Variants in SORCS3 observed in about 807,000 individuals in gnomAD.
SORCS3 encodes sortilin related VPS10 domain containing receptor 3.
In SORCS3, 57 loss-of-function variants were observed where a neutral mutation model predicts 146.3. The observed-to-expected ratio is 0.39, with a 90% CI of 0.31 to 0.49. SORCS3 has a LOEUF of 0.49. Ranked by LOEUF, SORCS3 falls within the 20% of genes least tolerant of loss-of-function variation. The probability of loss-of-function intolerance (pLI) is 0.92; values close to 1 mark genes in which losing one functional copy is unlikely to be tolerated. For missense variants in SORCS3, 1,341 were observed against 1,575.5 expected, an observed-to-expected ratio of 0.85 and a Z score of 2.52; for synonymous variants, 653 against 618.5, an observed-to-expected ratio of 1.06 and a Z score of -0.83.
chr10:104,688,467 G>A (rs577560727), intron 1 of SORCS3, among the ~76,000 whole-genome samples: 5,475 of 143,500 alleles, frequency 0.038, 319 homozygotes, highest in African/African-American at 0.13. Flanking sequence ...GCCAGCCAGC[G>A]TGGGCAGAGA....
chr10:104,744,161 T>C (rs1180777059), intron 1 of SORCS3, among the ~76,000 whole-genome samples: 1 of 152,216 alleles, frequency 6.6e-6, no homozygotes, highest in Non-Finnish European at 1.5e-5. Context: ...TCTAGAGCTC[T>C]TCTCCTTTGC....
intron 5 of SORCS3, among the ~76,000 whole-genome samples, chr10:105,047,612 T>G (rs2055382569): frequency 6.6e-6 from 1 of 152,062 alleles, no homozygotes; most frequent in African/African-American, 2.4e-5. Context: ...ATACTATAAG[T>G]TCTATATCAG....
At chr10:104,848,239 T>C (rs1026566493) in intron 2 of SORCS3, among the ~76,000 whole-genome samples, 6 of 152,154 alleles carry the variant, frequency 3.9e-5, no homozygotes, top group African/African-American at 1.4e-4. Flanking sequence ...GGGGATTCTG[T>C]GACTTTTCAT....
At chr10:104,869,107 A>G (rs369069824) in intron 2 of SORCS3, among the ~76,000 whole-genome samples, 131 of 152,250 alleles carry the variant, frequency 8.6e-4, no homozygotes, top group African/African-American at 2.9e-3. Context: ...AAGGTTCTCT[A>G]GAGAAATAGA....
chr10:104,737,057 A>G (rs939719130), intron 1 of SORCS3, among the ~76,000 whole-genome samples: 2 of 151,776 alleles, frequency 1.3e-5, no homozygotes, highest in African/African-American at 4.8e-5. Flanking sequence ...GCGATAGTTT[A>G]CTGAGAATGA....
chr10:104,791,304 A>G lies in SORCS3; in HGVS notation c.628-51488A>G, dbSNP rs1278576441. On this transcript the variant is annotated intron_variant, in intron 1 of 26. Transcript: ENST00000369701. ...GATTCAGAGCCCTGTAAACAAACATATCAGTTGAAACTTAGCTTAAGTCAG... is the reference window on the plus strand; with the variant it reads ...GATTCAGAGCCCTGTAAACAAACATGTCAGTTGAAACTTAGCTTAAGTCAG... Among the ~76,000 whole-genome samples the G allele has an allele frequency of 1.3e-5, 2 of 152,196 alleles. 1 individual carries two copies. Among genetic ancestry groups the G allele is most frequent in the African/African-American group, 4.8e-5 (2 of 41,448 alleles).
At chr10:104,842,696 G>A in intron 1 of SORCS3, 96 bp from the exon 2 acceptor site, 1 of 902,090 alleles carries the variant, frequency 1.1e-6, no homozygotes, top group East Asian at 2.4e-5. Context: ...CTGGGTGATA[G>A]GAGATGCATT....
In SORCS3 at chr10:105,263,366, A is replaced by G. The variant is rs1488742075; in HGVS notation, c.3661A>G (p.Ser1221Gly). The G allele has an allele frequency of 1.9e-6, 3 of 1,614,066 alleles. No individual in the cohort carries two copies. The highest frequency in any genetic ancestry group is 2.5e-6 in the Non-Finnish European group (3 of 1,179,932). Reference sequence around the variant, plus strand: ...CACAAAGGAGATCCCCAACTGCACTAGTGTTTAATACCAGCAAGCCACGTG... The same window carrying G: ...CACAAAGGAGATCCCCAACTGCACTGGTGTTTAATACCAGCAAGCCACGTG... Reference protein sequence around the residue: ...ESTKEIPNCTSV With the variant: ...ESTKEIPNCTGV Residue 1221 changes from serine to glycine, a missense_variant, in exon 27 of 27, where the codon AGT becomes GGT. Ser to Gly is a moderately conservative substitution (Grantham distance 56). Coordinates refer to ENST00000369701, the MANE Select transcript of SORCS3 (RefSeq NM_014978.3).
intron 1 of SORCS3, among the ~76,000 whole-genome samples, chr10:104,776,479 A>T (rs2017309389): frequency 6.6e-6 from 1 of 152,114 alleles, no homozygotes; most frequent in African/African-American, 2.4e-5. Context: ...TTTATGCTTA[A>T]TATTTGGGTG....
intron 4 of SORCS3, among the ~76,000 whole-genome samples, chr10:105,021,099 T>A (rs924399248): frequency 1.3e-5 from 2 of 152,334 alleles, no homozygotes; most frequent in East Asian, 1.9e-4. Context: ...GCCATCAGCA[T>A]GTATGTACAC....
At chr10:105,059,802 G>A (rs1010051157) in intron 5 of SORCS3, among the ~76,000 whole-genome samples, 3 of 152,100 alleles carry the variant, frequency 2.0e-5, no homozygotes, top group African/African-American at 7.2e-5. Flanking sequence ...GCCCCATCAC[G>A]AACCCACAGA....
intron 18 of SORCS3, among the ~76,000 whole-genome samples, chr10:105,214,985 C>T (rs1029484581): frequency 3.3e-5 from 5 of 152,166 alleles, no homozygotes; most frequent in African/African-American, 1.2e-4. Context: ...TTTTAGGAGC[C>T]TCTTTTGCTT....
At chr10:105,028,892 G>C (rs969564489) in intron 4 of SORCS3, among the ~76,000 whole-genome samples, 26 of 152,094 alleles carry the variant, frequency 1.7e-4, no homozygotes, top group African/African-American at 6.3e-4. Context: ...TCTCAAGATC[G>C]GTACCTAAGA....
At chr10:105,241,325 G>C (rs2056821715) in intron 20 of SORCS3, among the ~76,000 whole-genome samples, 1 of 152,180 alleles carries the variant, frequency 6.6e-6, no homozygotes. Context: ...CTCCATGGAG[G>C]GCCCATGGCC....
At chr10:105,219,026 T>A (rs940634289) in intron 19 of SORCS3, among the ~76,000 whole-genome samples, 2 of 152,000 alleles carry the variant, frequency 1.3e-5, no homozygotes, top group East Asian at 1.9e-4. Flanking sequence ...AAAAAAAATA[T>A]ATATATATCT....
At chr10:104,834,817 T>C (rs1311293799) in intron 1 of SORCS3, among the ~76,000 whole-genome samples, 1 of 151,906 alleles carries the variant, frequency 6.6e-6, no homozygotes, top group Non-Finnish European at 1.5e-5. Flanking sequence ...ATTAGTTTGG[T>C]GAATGAATGG....
chr10:104,729,788 G>A (rs1316841527), intron 1 of SORCS3, among the ~76,000 whole-genome samples: 2 of 152,198 alleles, frequency 1.3e-5, no homozygotes, highest in Non-Finnish European at 2.9e-5. Flanking sequence ...CTGTCAGGAG[G>A]TGACTCGTTT....
At chr10:105,139,575 T>A (rs2056081386) in intron 8 of SORCS3, 89 bp downstream of exon 8, 1 of 1,043,332 alleles carries the variant, frequency 9.6e-7, no homozygotes, top group Non-Finnish European at 1.5e-6. Context: ...GGAGGTTTTA[T>A]CTGTTTGGAA....
chr10:104,885,814 G>A lies in SORCS3; in HGVS notation c.696-30019G>A, dbSNP rs528286179. Among the ~76,000 whole-genome samples, 17 of 152,252 alleles carry A rather than the reference G, an allele frequency of 1.1e-4. No individual in the cohort carries two copies. The South Asian group carries it at 3.3e-3, about 30-fold the overall frequency. On this transcript the variant is annotated intron_variant, in intron 2 of 26. Transcript: ENST00000369701. ...TGACATTTTTCCTTAATAGTTCTGAGAATTTCTCTTAGCTTTCATAATCTG... is the reference window on the plus strand; with the variant it reads ...TGACATTTTTCCTTAATAGTTCTGAAAATTTCTCTTAGCTTTCATAATCTG...
Sources: gnomAD v4.1 joint callset for allele counts (sites outside exome capture counted in the v4.1 genomes callset) on GRCh38, gnomAD v4.1.1 for gene constraint, MANE v1.5 for transcripts, NCBI Gene and HGNC (gene_info 2026-07-23, HGNC 2026-07-21) for gene names.